CNKSR3: variants seen among roughly 807,000 people sequenced by gnomAD.
CNKSR3 encodes CNKSR family member 3.
A neutral mutation model predicts 67.7 loss-of-function variants in CNKSR3; 36 were observed. The observed-to-expected ratio is 0.53, with a 90% CI of 0.41 to 0.70. The LOEUF is 0.70. CNKSR3 is among the 30% of genes least tolerant of loss of function. CNKSR3 has a pLI of 0.00. For missense variants in CNKSR3, 630 were observed against 695.2 expected, an observed-to-expected ratio of 0.91 and a Z score of 1.05; for synonymous variants, 281 against 271.4, an observed-to-expected ratio of 1.04 and a Z score of -0.35.
intron 3 of CNKSR3, 56 bp downstream of exon 3, chr6:154,442,032 G>T: frequency 6.9e-7 from 1 of 1,452,514 alleles, no homozygotes; most frequent in Non-Finnish European, 9.3e-7. Context: ...CAGCTTCCAT[G>T]CAGCTTGGAC....
At chr6:154,437,348 A>C (rs1347162202) in intron 4 of CNKSR3, among the ~76,000 whole-genome samples, 1 of 150,964 alleles carries the variant, frequency 6.6e-6, no homozygotes, top group Non-Finnish European at 1.5e-5. Flanking sequence ...TGTAATTTCT[A>C]ATTTGTATGT....
At chr6:154,478,384 T>A (rs890536861) in intron 1 of CNKSR3, 1 of 153,626 alleles carries the variant, frequency 6.5e-6, no homozygotes, top group Admixed American at 6.5e-5. Context: ...AAGCTTCTCC[T>A]CCTTTTTGAG....
At position 154,397,607 on chromosome 6, in the gene CNKSR3, T is replaced by A. The variant is rs1784674050; in HGVS notation, c.*8747A>T. ...ATGGGTAAGAGCAAATCTGTGGTCA[T>A]CAACTAGGTGCACAGTCCAGTGGGT... On this transcript the variant is annotated 3_prime_UTR_variant, in exon 13 of 13. Coordinates refer to ENST00000607772, the MANE Select transcript of CNKSR3 (RefSeq NM_173515.4). 1 of 152,252 alleles carries A rather than the reference T, an allele frequency of 6.6e-6. No homozygotes were observed. Among genetic ancestry groups the A allele is most frequent in the African/African-American group, 2.4e-5 (1 of 41,466 alleles). The allele number at this position is 152,252 out of a possible 1,614,324, so 9.4% of individuals were successfully genotyped here.
At chr6:154,510,036 C>A in intron 1 of CNKSR3, 27 bp downstream of exon 1, 1 of 1,613,772 alleles carries the variant, frequency 6.2e-7, no homozygotes, top group Non-Finnish European at 8.5e-7. Flanking sequence ...GGCTGGAGGA[C>A]TCCGGACCCC....
intron 1 of CNKSR3, among the ~76,000 whole-genome samples, chr6:154,479,230 A>T (rs1538339): frequency 0.23 from 34,688 of 151,284 alleles, 4,186 homozygotes; most frequent in East Asian, 0.38. Context: ...AAAAAAAAAA[A>T]ATATTCTTTC....
At chr6:154,408,599 T>G (rs1159545508) in intron 12 of CNKSR3, among the ~76,000 whole-genome samples, 1 of 151,938 alleles carries the variant, frequency 6.6e-6, no homozygotes, top group Non-Finnish European at 1.5e-5. Flanking sequence ...ATCCACAGAG[T>G]AGATGAGTGC....
At position 154,510,276 on chromosome 6, in the gene CNKSR3, C is replaced by A. The variant is rs1787189485; in HGVS notation, c.-162G>T. The A allele has an allele frequency of 4.2e-6, 3 of 719,790 alleles. No individual in the cohort carries two copies. Among genetic ancestry groups the A allele is most frequent in the Non-Finnish European group, 6.9e-6 (3 of 434,644 alleles). 44.6% of individuals were successfully genotyped at this position (719,790 alleles called of 1,614,324 possible). A position where few individuals can be genotyped will look rare whatever the true frequency, so the allele number is the denominator to read the frequency against. On this transcript the variant is annotated 5_prime_UTR_variant, in exon 1 of 13. Transcript: ENST00000607772. ...CCGCGGTCAGCCAGTCGTCCCAGCG[C>A]GGCTCCGCCAGGGGAGCCCGGCCCT...
At chr6:154,439,409 AC>A (rs954174817) in intron 4 of CNKSR3, among the ~76,000 whole-genome samples, 1 of 149,456 alleles carries the variant, frequency 6.7e-6, no homozygotes, top group African/African-American at 2.5e-5. Flanking sequence ...AACAAACATG[AC>A]CCCCCCTGCC....
At position 154,446,336 on chromosome 6, in the gene CNKSR3, C is replaced by T. The variant is rs115699909; in HGVS notation, c.216+3759G>A. 1.8e-3 allele frequency among the ~76,000 whole-genome samples: 281 copies of T among 152,320 alleles called. 2 individuals are homozygous for T. Among genetic ancestry groups the T allele is most frequent in the African/African-American group, 6.4e-3 (267 of 41,566 alleles). On this transcript the variant is annotated intron_variant, in intron 2 of 12. Coordinates refer to ENST00000607772, the MANE Select transcript of CNKSR3 (RefSeq NM_173515.4). Reference sequence around the variant, plus strand: ...CCTACTAGCTCTGTTCGTGATCTAACGTGTGATTAAGGTGTGCCAGAGACA... The same window carrying T: ...CCTACTAGCTCTGTTCGTGATCTAATGTGTGATTAAGGTGTGCCAGAGACA...
At chr6:154,424,760 T>TG (rs2128714292) in intron 7 of CNKSR3, among the ~76,000 whole-genome samples, 1 of 152,170 alleles carries the variant, frequency 6.6e-6, no homozygotes, top group East Asian at 1.9e-4. Context: ...TGTTTTGTTT[T>TG]TTTGTTGTTG....
chr6:154,423,555 G>A (rs1785191887), intron 7 of CNKSR3, among the ~76,000 whole-genome samples: 1 of 152,194 alleles, frequency 6.6e-6, no homozygotes, highest in Non-Finnish European at 1.5e-5. Flanking sequence ...ACCGCGCCCA[G>A]TCTGGACATA....
intron 7 of CNKSR3, among the ~76,000 whole-genome samples, chr6:154,423,781 G>A (rs1785196322): frequency 6.6e-6 from 1 of 152,102 alleles, no homozygotes; most frequent in Non-Finnish European, 1.5e-5. Flanking sequence ...TAGAAAGTTG[G>A]TGGCAACAGA....
chr6:154,483,610 A>G (rs1467816689), intron 1 of CNKSR3, among the ~76,000 whole-genome samples: 3 of 152,002 alleles, frequency 2.0e-5, no homozygotes, highest in African/African-American at 7.3e-5. Flanking sequence ...AGCATGGCCA[A>G]CCCCTAGGCA....
intron 9 of CNKSR3, among the ~76,000 whole-genome samples, chr6:154,417,620 C>T (rs563334147): frequency 6.6e-6 from 1 of 152,116 alleles, no homozygotes; most frequent in Non-Finnish European, 1.5e-5. Flanking sequence ...CAGAATGTGA[C>T]TGTATTAGGA....
chr6:154,423,107 CAA>C, intron 7 of CNKSR3, 124 bp from the exon 8 acceptor site: 1 of 641,724 alleles, frequency 1.6e-6, no homozygotes, highest in Non-Finnish European at 2.7e-6. Context: ...AAAAATAAAA[CAA>C]TGCACTTTAT....
Position 154,414,429 on chromosome 6 carries a change from A to G in CNKSR3, c.946-6T>C, listed in dbSNP as rs181382953. 6.3e-7 allele frequency: 1 copy of G among 1,580,380 alleles called. No homozygotes were observed. The highest frequency in any genetic ancestry group is 1.4e-5 in the African/African-American group (1 of 73,700). ...GTCGCGGGTGGAGGTGAGGTCTGAAACAGGAGTAACACAGCAATGCAAAGA... is the reference window on the plus strand; with the variant it reads ...GTCGCGGGTGGAGGTGAGGTCTGAAGCAGGAGTAACACAGCAATGCAAAGA... On this transcript the variant is annotated splice_region_variant and splice_polypyrimidine_tract_variant and intron_variant, in intron 9 of 12. Transcript: ENST00000607772.
rs896628332 is a variant in CNKSR3, at chr6:154,394,513, A to G, written c.*11841T>C. ...GCCACAGAGCATTACCCAACCTGGA[A>G]CATCCAAAGTGGACGTTGATGAGGA... On this transcript the variant is annotated 3_prime_UTR_variant, in exon 13 of 13. Coordinates refer to ENST00000607772, the MANE Select transcript of CNKSR3 (RefSeq NM_173515.4). 6.6e-6 allele frequency: 1 copy of G among 152,198 alleles called. No individual in the cohort carries two copies. The highest frequency in any genetic ancestry group is 2.1e-4 in the South Asian group (1 of 4,820). The allele number at this position is 152,198 out of a possible 1,614,324, so 9.4% of individuals were successfully genotyped here. A position where few individuals can be genotyped will look rare whatever the true frequency, so the allele number is the denominator to read the frequency against.
At chr6:154,459,165 A>C (rs931948851) in intron 1 of CNKSR3, among the ~76,000 whole-genome samples, 3 of 152,022 alleles carry the variant, frequency 2.0e-5, no homozygotes, top group Admixed American at 6.5e-5. Flanking sequence ...GAAAGAAAGA[A>C]AGACTAGCAA....
At chr6:154,507,561 G>A (rs1042335511) in intron 1 of CNKSR3, among the ~76,000 whole-genome samples, 1 of 152,084 alleles carries the variant, frequency 6.6e-6, no homozygotes, top group Admixed American at 6.5e-5. Flanking sequence ...TCATTATTAT[G>A]AGAAATATTC....
Sources: allele counts gnomAD v4.1 joint callset (sites outside exome capture counted in the v4.1 genomes callset), GRCh38; gene constraint gnomAD v4.1.1; transcripts MANE v1.5; gene names NCBI Gene and HGNC (gene_info 2026-07-23, HGNC 2026-07-21).